ZCCHC7: variants seen among roughly 807,000 people sequenced by gnomAD.
ZCCHC7 encodes zinc finger CCHC domain-containing protein 7.
A neutral mutation model predicts 52.0 loss-of-function variants in ZCCHC7; 35 were observed. The observed-to-expected ratio is 0.67, with a 90% CI of 0.51 to 0.89. ZCCHC7 has a LOEUF of 0.89. Among genes scored for constraint, ZCCHC7 ranks in the 40% least tolerant of loss-of-function variants. The probability of loss-of-function intolerance (pLI) is 0.00; values close to 1 mark genes in which losing one functional copy is unlikely to be tolerated. For missense variants in ZCCHC7, 574 were observed against 649.1 expected, an observed-to-expected ratio of 0.88 and a Z score of 1.26; for synonymous variants, 217 against 221.5, an observed-to-expected ratio of 0.98 and a Z score of 0.18.
chr9:37,221,428 A>G (rs1235760124), intron 2 of ZCCHC7, among the ~76,000 whole-genome samples: 3 of 152,210 alleles, frequency 2.0e-5, no homozygotes, highest in East Asian at 3.8e-4. Context: ...AACAATGGCT[A>G]TGGATAATCA....
intron 2 of ZCCHC7, among the ~76,000 whole-genome samples, chr9:37,138,628 T>A (rs1427534111): frequency 2.0e-5 from 3 of 151,952 alleles, no homozygotes; most frequent in South Asian, 2.1e-4. Context: ...AATACCATGA[T>A]ATGTATTTAT....
chr9:37,250,020 C>T (rs907464118), intron 2 of ZCCHC7, among the ~76,000 whole-genome samples: 6 of 152,122 alleles, frequency 3.9e-5, no homozygotes, highest in Non-Finnish European at 8.8e-5. Context: ...GATTCTGATT[C>T]CTGTTCTTCT....
At chr9:37,195,671 T>C (rs1317950081) in intron 2 of ZCCHC7, among the ~76,000 whole-genome samples, 2 of 152,068 alleles carry the variant, frequency 1.3e-5, no homozygotes, top group Non-Finnish European at 2.9e-5. Flanking sequence ...GGGAGAACAG[T>C]TTGAGCAAAT....
intron 6 of ZCCHC7, among the ~76,000 whole-genome samples, chr9:37,336,959 C>T (rs528132153): frequency 6.6e-6 from 1 of 152,200 alleles, no homozygotes; most frequent in African/African-American, 2.4e-5. Flanking sequence ...TACCCTGTCA[C>T]CGATCCCGCA....
intron 2 of ZCCHC7, among the ~76,000 whole-genome samples, chr9:37,129,088 G>A (rs1842660280): frequency 6.6e-6 from 1 of 151,966 alleles, no homozygotes; most frequent in Non-Finnish European, 1.5e-5. Flanking sequence ...TTGACATACT[G>A]AAAAGAAAGC....
At chr9:37,312,321 C>T (rs1031746846) in intron 5 of ZCCHC7, among the ~76,000 whole-genome samples, 2 of 152,106 alleles carry the variant, frequency 1.3e-5, no homozygotes, top group Non-Finnish European at 2.9e-5. Flanking sequence ...CTGGTTGCCT[C>T]TTATATGCCA....
At chr9:37,182,503 T>C (rs879775695) in intron 2 of ZCCHC7, among the ~76,000 whole-genome samples, 9 of 152,104 alleles carry the variant, frequency 5.9e-5, no homozygotes, top group Non-Finnish European at 1.3e-4. Context: ...TAGCCAGGAT[T>C]ACAGGCACAC....
chr9:37,161,802 CAA>C (rs1821123591), intron 2 of ZCCHC7, among the ~76,000 whole-genome samples: 2 of 152,144 alleles, frequency 1.3e-5, no homozygotes, highest in African/African-American at 4.8e-5. Flanking sequence ...AAATGCCCAT[CAA>C]GAGCTAGCAG....
upstream of ZCCHC7, among the ~76,000 whole-genome samples, chr9:37,120,187 GAGA>G (rs1241531152): frequency 7.9e-5 from 12 of 152,324 alleles, no homozygotes; most frequent in Non-Finnish European, 1.0e-4. Context: ...GAGCGCCAGG[GAGA>G]AGGAGGCGGA....
intron 5 of ZCCHC7, among the ~76,000 whole-genome samples, chr9:37,314,972 G>A (rs1206226564): frequency 3.3e-5 from 5 of 151,756 alleles, no homozygotes; most frequent in African/African-American, 7.3e-5. Context: ...TGATCTGGTC[G>A]AACCCAATAT....
At chr9:37,171,850 A>G (rs964828023) in intron 2 of ZCCHC7, among the ~76,000 whole-genome samples, 1 of 152,194 alleles carries the variant, frequency 6.6e-6, no homozygotes, top group Non-Finnish European at 1.5e-5. Context: ...AATATTGCTT[A>G]TATTTGAGTA....
intron 2 of ZCCHC7, among the ~76,000 whole-genome samples, chr9:37,202,495 C>T (rs1009022908): frequency 1.8e-4 from 27 of 152,162 alleles, no homozygotes; most frequent in Non-Finnish European, 3.7e-4. Context: ...TGTATTATCT[C>T]TGTAAACTTT....
Position 37,219,460 on chromosome 9 carries a change from TCTC to T in ZCCHC7, c.611-82725_611-82723del, listed in dbSNP as rs150424119. Among the ~76,000 whole-genome samples, 931 of 152,352 alleles carry T rather than the reference TCTC, an allele frequency of 6.1e-3. 38 individuals are homozygous for T. The East Asian group carries it at 0.1, about 17-fold the overall frequency. On this transcript the variant is annotated intron_variant, in intron 2 of 8. Coordinates refer to ENST00000336755, the MANE Select transcript of ZCCHC7 (RefSeq NM_032226.3). ...TGGCTTAACTTCTGCTATATGCACT[TCTC>T]CTTCTTAGACTGCACACTAATTCAT...
At position 37,305,527 on chromosome 9, in the gene ZCCHC7, T is replaced by G; in HGVS notation, c.781-17T>G. The G allele has an allele frequency of 6.2e-7, 1 of 1,611,912 alleles. No homozygotes were observed. Among genetic ancestry groups the G allele is most frequent in the Non-Finnish European group, 8.5e-7 (1 of 1,179,170 alleles). On this transcript the variant is annotated splice_polypyrimidine_tract_variant and intron_variant, in intron 4 of 8. Transcript: ENST00000336755. ...CTTTTGAGACTGAAGAGATTTTATG[T>G]TTTTTTCGCCACATAGAAAGTTCGT...
At chr9:37,346,461 A>G (rs1373779302) in intron 6 of ZCCHC7, among the ~76,000 whole-genome samples, 1 of 152,188 alleles carries the variant, frequency 6.6e-6, no homozygotes, top group African/African-American at 2.4e-5. Context: ...AATTCACCTG[A>G]GCCCAGGAGT....
intron 2 of ZCCHC7, among the ~76,000 whole-genome samples, chr9:37,252,971 C>G (rs1236147847): frequency 1.3e-5 from 2 of 152,018 alleles, no homozygotes; most frequent in Non-Finnish European, 1.5e-5. Flanking sequence ...TGAAAAATCT[C>G]AAATTTATGT....
intron 6 of ZCCHC7, among the ~76,000 whole-genome samples, chr9:37,338,296 G>C (rs1830770943): frequency 6.6e-6 from 1 of 151,992 alleles, no homozygotes; most frequent in South Asian, 2.1e-4. Flanking sequence ...TTTGCATAGT[G>C]GTTAATGTTG....
chr9:37,207,845 C>T (rs943444219), intron 2 of ZCCHC7, among the ~76,000 whole-genome samples: 1 of 151,924 alleles, frequency 6.6e-6, no homozygotes, highest in African/African-American at 2.4e-5. Context: ...GTGTGATTTC[C>T]TATCTGTTTA....
intron 2 of ZCCHC7, among the ~76,000 whole-genome samples, chr9:37,294,833 G>T (rs1290431121): frequency 3.9e-5 from 6 of 152,062 alleles, no homozygotes; most frequent in Non-Finnish European, 7.4e-5. Context: ...TATAGAGAGG[G>T]AAATAAAATA....
Sources: gnomAD v4.1 joint callset for allele counts (sites outside exome capture counted in the v4.1 genomes callset) on GRCh38, gnomAD v4.1.1 for gene constraint, MANE v1.5 for transcripts, NCBI Gene and HGNC (gene_info 2026-07-23, HGNC 2026-07-21) for gene names.